The following SLC16A7 variants were observed in gnomAD, a reference collection of about 807,000 sequenced individuals.
The protein encoded by SLC16A7 is solute carrier family 16 member 7.
In SLC16A7, 33 loss-of-function variants were observed where a neutral mutation model predicts 34.9. The observed-to-expected ratio is 0.94, with a 90% CI of 0.72 to 1.26. The LOEUF (loss-of-function observed/expected upper bound fraction) is 1.26. Among genes scored for constraint, SLC16A7 ranks in the 50% most tolerant of loss-of-function variants. The pLI is 0.00. For synonymous variants in SLC16A7, 201 were observed against 206.6 expected (o/e 0.97, Z 0.23); for missense variants, 573 against 578.1 (o/e 0.99, Z 0.09).
At chr12:59,676,820 C>G (rs1268063971) in intron 2 of SLC16A7, among the ~76,000 whole-genome samples, 1 of 151,466 alleles carries the variant, frequency 6.6e-6, no homozygotes, top group Non-Finnish European at 1.5e-5. Flanking sequence ...ATACTTTCTA[C>G]TTATGCAAAC....
At chr12:59,769,826 T>G (rs1250908149) in intron 3 of SLC16A7, among the ~76,000 whole-genome samples, 1 of 152,074 alleles carries the variant, frequency 6.6e-6, no homozygotes, top group South Asian at 2.1e-4. Flanking sequence ...AAAAATTATG[T>G]TTTTTAGGCC....
chr12:59,648,555 A>T (rs1868288809), intron 1 of SLC16A7, among the ~76,000 whole-genome samples: 1 of 152,150 alleles, frequency 6.6e-6, no homozygotes, highest in South Asian at 2.1e-4. Context: ...CTCAAAATAG[A>T]TTTACCATGA....
At chr12:59,659,162 A>G (rs1868695392) in intron 2 of SLC16A7, among the ~76,000 whole-genome samples, 1 of 152,054 alleles carries the variant, frequency 6.6e-6, no homozygotes, top group South Asian at 2.1e-4. Context: ...CTACTTTATA[A>G]CACTATTTTA....
chr12:59,698,838 T>C (rs945979791), intron 2 of SLC16A7, among the ~76,000 whole-genome samples: 1 of 151,834 alleles, frequency 6.6e-6, no homozygotes, highest in African/African-American at 2.4e-5. Context: ...CAAACTGTGA[T>C]TCAAAAAGTG....
rs139120787 is a variant in SLC16A7, at chr12:59,736,080, G to A, written c.217+31062G>A. The stretch of plus-strand genomic sequence containing the variant: ...GGTGAGACACCATACAACTGTGAGA[G>A]ATTTATTCCCATATCTGAGAATAAA... On this transcript the variant is annotated intron_variant, in intron 3 of 5. Coordinates refer to ENST00000547379, the MANE Select transcript of SLC16A7 (RefSeq NM_001270623.2). 735 of 217,084 alleles carry A rather than the reference G, an allele frequency of 3.4e-3. 2 individuals carry two copies. Among genetic ancestry groups the A allele is most frequent in the Middle Eastern group, 0.015 (25 of 1,640 alleles). 13.4% of individuals were successfully genotyped at this position (217,084 alleles called of 1,614,324 possible).
intron 3 of SLC16A7, chr12:59,719,784 C>T: frequency 3.4e-6 from 1 of 291,706 alleles, no homozygotes; most frequent in Non-Finnish European, 6.3e-6. Context: ...GAACTGGTTG[C>T]AAATTGGAGC....
intron 1 of SLC16A7, among the ~76,000 whole-genome samples, chr12:59,611,195 G>A (rs1184638542): frequency 6.6e-6 from 1 of 152,134 alleles, no homozygotes; most frequent in Non-Finnish European, 1.5e-5. Flanking sequence ...AATTTATAAA[G>A]GAAAGATGTT....
intron 2 of SLC16A7, among the ~76,000 whole-genome samples, chr12:59,704,213 A>AAAAAG (rs1555171496): frequency 1.1e-3 from 149 of 141,808 alleles, no homozygotes; most frequent in African/African-American, 3.3e-3. Flanking sequence ...AAAAAAAAAA[A>AAAAAG]AAAAAGAAAA....
chr12:59,636,415 A>G (rs1344678071), intron 1 of SLC16A7, among the ~76,000 whole-genome samples: 2 of 152,170 alleles, frequency 1.3e-5, no homozygotes, highest in Non-Finnish European at 2.9e-5. Flanking sequence ...TTCAGGCAAC[A>G]TACTTTTTTT....
At chr12:59,726,116 G>A (rs968549689) in intron 3 of SLC16A7, among the ~76,000 whole-genome samples, 15 of 151,996 alleles carry the variant, frequency 9.9e-5, no homozygotes, top group South Asian at 2.1e-4. Flanking sequence ...CTCCAACCAC[G>A]TTTAAAGCTA....
At chr12:59,733,725 A>G (rs1055640558) in intron 3 of SLC16A7, 1 of 455,910 alleles carries the variant, frequency 2.2e-6, no homozygotes, top group African/African-American at 2.0e-5. Context: ...GCAGGTCCCA[A>G]GCTCCCATCT....
intron 1 of SLC16A7, among the ~76,000 whole-genome samples, chr12:59,651,293 A>C (rs1454098537): frequency 6.6e-6 from 1 of 152,178 alleles, no homozygotes; most frequent in African/African-American, 2.4e-5. Flanking sequence ...TAATTTTGTT[A>C]AAGTTTTGAG....
chr12:59,614,054 C>CT (rs373589268), intron 1 of SLC16A7, among the ~76,000 whole-genome samples: 17,517 of 136,736 alleles, frequency 0.13, 1,808 homozygotes, highest in East Asian at 0.62. Context: ...GAATGAGAGC[C>CT]TTTTTTTTTT....
chr12:59,613,483 C>A (rs1879295356), intron 1 of SLC16A7, among the ~76,000 whole-genome samples: 1 of 152,122 alleles, frequency 6.6e-6, no homozygotes, highest in Non-Finnish European at 1.5e-5. Flanking sequence ...GTTTTGGGGA[C>A]ATATATATTC....
intron 2 of SLC16A7, among the ~76,000 whole-genome samples, chr12:59,685,083 C>T (rs1449432623): frequency 6.6e-6 from 1 of 151,976 alleles, no homozygotes; most frequent in Non-Finnish European, 1.5e-5. Flanking sequence ...TTTTTCTTTT[C>T]TCTGTGTTTA....
intron 2 of SLC16A7, among the ~76,000 whole-genome samples, chr12:59,672,704 A>G (rs1313314715): frequency 6.6e-6 from 1 of 152,180 alleles, no homozygotes; most frequent in Admixed American, 6.6e-5. Context: ...ATGTAAATTT[A>G]CAGCAACATG....
intron 1 of SLC16A7, among the ~76,000 whole-genome samples, chr12:59,653,603 C>T (rs1315295812): frequency 6.6e-6 from 1 of 151,412 alleles, no homozygotes; most frequent in East Asian, 1.9e-4. Flanking sequence ...ATTCTAAATT[C>T]AAGTGAATTT....
chr12:59,733,857 G>T (rs372190045), intron 3 of SLC16A7: 1 of 455,292 alleles, frequency 2.2e-6, no homozygotes, highest in Non-Finnish European at 4.4e-6. Context: ...CTGCAGGCAG[G>T]TCGTCCTGAC....
rs1592516410 is a variant in SLC16A7, at chr12:59,696,442, T to C, written c.-30-8330T>C. ...TTTTCCTTTGTATTGCCTTCAAATA[T>C]CACTCTTCAAAGTTTAGTGACTAGG... On this transcript the variant is annotated intron_variant, in intron 2 of 5. Coordinates refer to ENST00000547379, the MANE Select transcript of SLC16A7 (RefSeq NM_001270623.2). 5 of 152,130 alleles carry C rather than the reference T, an allele frequency of 3.3e-5. No homozygotes were observed. In the South Asian group the frequency reaches 6.2e-4, roughly 19 times the overall value. 9.4% of individuals were successfully genotyped at this position (152,130 alleles called of 1,614,324 possible).
Sources: gnomAD v4.1 joint callset for allele counts (sites outside exome capture counted in the v4.1 genomes callset) on GRCh38, gnomAD v4.1.1 for gene constraint, MANE v1.5 for transcripts, NCBI Gene and HGNC (gene_info 2026-07-23, HGNC 2026-07-21) for gene names.